UBE2Q2: variants seen among roughly 807,000 people sequenced by gnomAD.
UBE2Q2 encodes ubiquitin-conjugating enzyme E2 Q2.
In UBE2Q2, 54 loss-of-function variants were observed where a neutral mutation model predicts 59.9. The ratio of observed to expected loss-of-function variants is 0.90; its 90% CI spans 0.72 to 1.13. The LOEUF is 1.13. Among genes scored for constraint, UBE2Q2 ranks in the 50% most tolerant of loss-of-function variants. UBE2Q2 has a pLI of 0.00. For missense variants in UBE2Q2, 433 were observed against 441.9 expected (o/e 0.98, Z 0.18); for synonymous variants, 165 against 155.2 (o/e 1.06, Z -0.47).
chr15:75,893,652 A>C (rs934938136), intron 11 of UBE2Q2, among the ~76,000 whole-genome samples: 2 of 152,220 alleles, frequency 1.3e-5, no homozygotes, highest in Non-Finnish European at 2.9e-5. Flanking sequence ...TATATGGACT[A>C]TGGGAGAAAA....
At chr15:75,892,741 G>A (rs938455748) in intron 11 of UBE2Q2, among the ~76,000 whole-genome samples, 3 of 151,998 alleles carry the variant, frequency 2.0e-5, no homozygotes, top group African/African-American at 7.2e-5. Flanking sequence ...GCTGGGTATG[G>A]GGTACCTGTC....
At chr15:75,894,561 G>GT (rs1328230102) in intron 11 of UBE2Q2, among the ~76,000 whole-genome samples, 2 of 152,114 alleles carry the variant, frequency 1.3e-5, no homozygotes, top group Non-Finnish European at 2.9e-5. Flanking sequence ...TCTAGTCTGA[G>GT]TGACAGAGCA....
intron 1 of UBE2Q2, among the ~76,000 whole-genome samples, chr15:75,853,897 C>T (rs558095403): frequency 6.6e-5 from 10 of 152,250 alleles, no homozygotes; most frequent in Admixed American, 6.5e-4. Flanking sequence ...TATAATACCT[C>T]GCCATGTAGG....
intron 3 of UBE2Q2, among the ~76,000 whole-genome samples, chr15:75,861,531 C>T (rs1022331874): frequency 2.0e-5 from 3 of 152,144 alleles, no homozygotes; most frequent in Admixed American, 2.0e-4. Flanking sequence ...TGAATCTTCT[C>T]ATAATTTTGT....
intron 8 of UBE2Q2, 91 bp downstream of exon 8, chr15:75,879,279 A>G: frequency 4.3e-6 from 3 of 705,616 alleles, no homozygotes; most frequent in Non-Finnish European, 7.0e-6. Context: ...AAAGTAGAAG[A>G]TACTCATACC....
intron 1 of UBE2Q2, among the ~76,000 whole-genome samples, chr15:75,850,108 T>C (rs1428975631): frequency 6.6e-6 from 1 of 152,230 alleles, no homozygotes; most frequent in African/African-American, 2.4e-5. Flanking sequence ...AATGTTAAAC[T>C]GAACAAACCT....
At chr15:75,882,707 T>G (rs1481305575) in intron 8 of UBE2Q2, among the ~76,000 whole-genome samples, 3 of 152,254 alleles carry the variant, frequency 2.0e-5, no homozygotes, top group Non-Finnish European at 2.9e-5. Flanking sequence ...ATCTTACATT[T>G]CTATTGCAAG....
Position 75,843,793 on chromosome 15 carries a change from C to A in UBE2Q2, c.127C>A (p.Gln43Lys), listed in dbSNP as rs771944412. Residue 43 changes from glutamine (Q) to lysine (K), a missense_variant, in exon 1 of 13, where the codon CAG becomes AAG. Coordinates refer to ENST00000267938, the MANE Select transcript of UBE2Q2 (RefSeq NM_173469.4). ...ELHCQFLVPQ[Q>K]GSPHSLPPPL... Reference sequence around the variant, plus strand: ...GCACTGCCAGTTCCTGGTGCCGCAGCAGGGCAGCCCGCACTCGCTGCCGCC... The same window carrying A: ...GCACTGCCAGTTCCTGGTGCCGCAGAAGGGCAGCCCGCACTCGCTGCCGCC... 1 of 1,607,196 alleles carries A rather than the reference C, an allele frequency of 6.2e-7. No individual in the cohort carries two copies. Among genetic ancestry groups the A allele is most frequent in the Middle Eastern group, 1.7e-4 (1 of 5,882 alleles).
Position 75,873,450 on chromosome 15 carries a change from A to G in UBE2Q2, c.470A>G (p.Tyr157Cys), listed in dbSNP as rs1465051873. The G allele has an allele frequency of 6.2e-7, 1 of 1,612,654 alleles. No homozygotes were observed. The highest frequency in any genetic ancestry group is 1.1e-5 in the South Asian group (1 of 90,934). ...MAEDIEDLDH[Y>C]EMKEEEPISG... Reference sequence around the variant, plus strand: ...TAGGATATAGAAGACTTAGATCACTATGAGATGAAGGAAGAAGAGCCTATT... The same window carrying G: ...TAGGATATAGAAGACTTAGATCACTGTGAGATGAAGGAAGAAGAGCCTATT... The change falls in exon 5 of 13, where the codon TAT (tyrosine) becomes TGT (cysteine). Residue 157 changes from tyrosine (Y) to cysteine (C), a missense_variant. By Grantham distance (194) the Tyr-to-Cys change is radical. Transcript: ENST00000267938.
At chr15:75,874,723 T>C (rs1897981476) in intron 5 of UBE2Q2, among the ~76,000 whole-genome samples, 1 of 152,194 alleles carries the variant, frequency 6.6e-6, no homozygotes, top group Non-Finnish European at 1.5e-5. Flanking sequence ...ATGATTGCTA[T>C]CAAAAATAAA....
intron 8 of UBE2Q2, among the ~76,000 whole-genome samples, chr15:75,882,980 A>T (rs990933641): frequency 6.6e-6 from 1 of 152,040 alleles, no homozygotes; most frequent in Non-Finnish European, 1.5e-5. Flanking sequence ...CCTAAGGGGG[A>T]AAAAAAGATC....
rs569375140 is a variant in UBE2Q2, at chr15:75,881,414, C to T, written c.826-1952C>T. Among the ~76,000 whole-genome samples the T allele has an allele frequency of 1.4e-3, 210 of 152,132 alleles. 1 individual carries two copies. The highest frequency in any genetic ancestry group is 4.6e-3 in the African/African-American group (190 of 41,504). On this transcript the variant is annotated intron_variant, in intron 8 of 12. Transcript: ENST00000267938. ...GGTAGAACTTCAGGGAGGGGACGAT[C>T]TGGGAGGTAAATGGCTGAATTTCTG...
chr15:75,898,249 A>G (rs1029375812), intron 12 of UBE2Q2, among the ~76,000 whole-genome samples: 40 of 152,182 alleles, frequency 2.6e-4, no homozygotes, highest in African/African-American at 8.4e-4. Context: ...GCATTCAAAA[A>G]ATATTTATAG....
Position 75,843,839 on chromosome 15 carries a change from A to G in UBE2Q2, c.173A>G (p.Asn58Ser). The G allele has an allele frequency of 4.4e-6, 7 of 1,585,596 alleles. No individual in the cohort carries two copies. The South Asian group carries it at 6.9e-5, about 16-fold the overall frequency. ...SLPPPLTLHC[N>S]ITESYPSSSP... ...CCGCCGCCACTCACGCTCCACTGCA[A>G]CATCACGGTGAGGCGCCCGGCCGCG... Residue 58 changes from asparagine (N) to serine (S), a missense_variant, in exon 1 of 13, where the codon AAC becomes AGC. Transcript: ENST00000267938.
At chr15:75,855,746 A>G (rs1896869377) in intron 2 of UBE2Q2, among the ~76,000 whole-genome samples, 1 of 152,228 alleles carries the variant, frequency 6.6e-6, no homozygotes. Context: ...AAAATTAAAT[A>G]CCTAAGAATC....
In UBE2Q2 at chr15:75,843,905, A is replaced by C. The variant is rs1480678355; in HGVS notation, c.180+59A>C. The C allele has an allele frequency of 2.0e-6, 3 of 1,484,374 alleles. No individual in the cohort carries two copies. The East Asian group carries it at 8.0e-5, about 40-fold the overall frequency. 92.0% of individuals were successfully genotyped at this position (1,484,374 alleles called of 1,614,324 possible). ...GCGAGGACGGAGAGGGGGCGCTTCG[A>C]GTCCCGGGACAAAGGGGAGCCTGCC... On this transcript the variant is annotated intron_variant, in intron 1 of 12. Coordinates refer to ENST00000267938, the MANE Select transcript of UBE2Q2 (RefSeq NM_173469.4).
chr15:75,858,725 T>G (rs2028949), intron 2 of UBE2Q2, among the ~76,000 whole-genome samples: 2,447 of 152,320 alleles, frequency 0.016, 61 homozygotes, highest in African/African-American at 0.055. Context: ...GGCCAGAGTG[T>G]CTAGGTCTGT....
intron 1 of UBE2Q2, among the ~76,000 whole-genome samples, chr15:75,852,787 A>G (rs1896698064): frequency 6.6e-6 from 1 of 152,264 alleles, no homozygotes; most frequent in Admixed American, 6.5e-5. Flanking sequence ...TTTAGCCTGT[A>G]AAGAGATTTG....
chr15:75,887,335 G>A (rs1898835325), intron 9 of UBE2Q2, among the ~76,000 whole-genome samples: 1 of 152,202 alleles, frequency 6.6e-6, no homozygotes, highest in South Asian at 2.1e-4. Context: ...CAGCTGGGCA[G>A]TGAAATGTGA....
Sources: allele counts gnomAD v4.1 joint callset (sites outside exome capture counted in the v4.1 genomes callset), GRCh38; gene constraint gnomAD v4.1.1; transcripts MANE v1.5; gene names NCBI Gene and HGNC (gene_info 2026-07-23, HGNC 2026-07-21).